The following CYP7B1 variants were observed in gnomAD, a reference collection of about 807,000 sequenced individuals.
The protein encoded by CYP7B1 is cytochrome P450 family 7 subfamily B member 1.
Under a neutral mutation model 42.7 loss-of-function variants are expected in CYP7B1, and 29 were observed. The observed-to-expected ratio is 0.68, with a 90% CI of 0.51 to 0.93. The LOEUF (loss-of-function observed/expected upper bound fraction) is 0.93. CYP7B1 is among the 40% of genes least tolerant of loss of function. CYP7B1 has a pLI of 0.00. For synonymous variants in CYP7B1, 235 were observed against 218.2 expected (o/e 1.08, Z -0.68); for missense variants, 655 against 600.5 (o/e 1.09, Z -0.95).
chr8:64,604,895 G>A, intron 4 of CYP7B1, 38 bp from the exon 5 acceptor site: 1 of 1,600,022 alleles, frequency 6.2e-7, no homozygotes, highest in Non-Finnish European at 8.5e-7. Context: ...ATTAAGATAG[G>A]GCTGGTCCTG....
chr8:64,674,143 T>C (rs2129631769), intron 1 of CYP7B1, among the ~76,000 whole-genome samples: 1 of 152,202 alleles, frequency 6.6e-6, no homozygotes, highest in South Asian at 2.1e-4. Flanking sequence ...TTTGTTAAAA[T>C]TAAGTCTTAC....
intron 2 of CYP7B1, among the ~76,000 whole-genome samples, chr8:64,618,373 T>C (rs1200994719): frequency 2.6e-5 from 4 of 152,126 alleles, no homozygotes; most frequent in African/African-American, 9.7e-5. Context: ...ATTCAGTTAG[T>C]AAAACACACA....
At chr8:64,626,913 C>G (rs1805617836) in intron 1 of CYP7B1, among the ~76,000 whole-genome samples, 1 of 152,176 alleles carries the variant, frequency 6.6e-6, no homozygotes, top group Non-Finnish European at 1.5e-5. Context: ...TCATACCCAG[C>G]ATGGACTTTT....
chr8:64,701,806 C>G (rs1806920212), intron 1 of CYP7B1, among the ~76,000 whole-genome samples: 2 of 152,022 alleles, frequency 1.3e-5, no homozygotes, highest in South Asian at 4.1e-4. Flanking sequence ...CACACAAACT[C>G]AAGCTGATCA....
At chr8:64,699,300 G>C (rs1806877647) in intron 1 of CYP7B1, among the ~76,000 whole-genome samples, 1 of 152,084 alleles carries the variant, frequency 6.6e-6, no homozygotes, top group Admixed American at 6.6e-5. Context: ...AGTGACTTCT[G>C]TCAACATCAT....
intron 1 of CYP7B1, among the ~76,000 whole-genome samples, chr8:64,711,582 C>T (rs977157234): frequency 6.6e-6 from 1 of 152,178 alleles, no homozygotes; most frequent in Non-Finnish European, 1.5e-5. Context: ...TACATTGACC[C>T]TTCTGATCTG....
chr8:64,599,334 G>A (rs1259855575), intron 5 of CYP7B1, among the ~76,000 whole-genome samples: 6 of 151,954 alleles, frequency 3.9e-5, no homozygotes, highest in Non-Finnish European at 5.9e-5. Context: ...GACTACAGGC[G>A]CCCACCACCA....
rs1205877806 is a variant in CYP7B1 at position 64,594,587 on chromosome 8, A to T, written c.*2055T>A. Among the ~76,000 whole-genome samples, 1 of 152,210 alleles carries T rather than the reference A, an allele frequency of 6.6e-6. No individual in the cohort carries two copies. The highest frequency in any genetic ancestry group is 2.4e-5 in the African/African-American group (1 of 41,442). ...AGAATAAGTAAATAAAGCCAGAGGG[A>T]CCTTATTAGAACCAATTATAATTGT... On this transcript the variant is annotated 3_prime_UTR_variant, in exon 6 of 6. Transcript: ENST00000310193.
At chr8:64,716,463 T>A (rs1052427451) in intron 1 of CYP7B1, among the ~76,000 whole-genome samples, 4 of 152,020 alleles carry the variant, frequency 2.6e-5, no homozygotes, top group African/African-American at 9.7e-5. Context: ...TCTCAGCACT[T>A]TGGGAGGCCG....
chr8:64,760,609 T>C (rs1807875001), intron 1 of CYP7B1, among the ~76,000 whole-genome samples: 1 of 152,082 alleles, frequency 6.6e-6, no homozygotes, highest in South Asian at 2.1e-4. Context: ...GTGGTTGACA[T>C]CACCAATCAT....
intron 1 of CYP7B1, among the ~76,000 whole-genome samples, chr8:64,735,218 T>C (rs1170596329): frequency 2.0e-5 from 3 of 152,216 alleles, no homozygotes; most frequent in Admixed American, 1.3e-4. Flanking sequence ...AAAATGGATA[T>C]ACTATACTAG....
At chr8:64,764,821 T>C (rs1409110989) in intron 1 of CYP7B1, among the ~76,000 whole-genome samples, 2 of 152,116 alleles carry the variant, frequency 1.3e-5, no homozygotes, top group African/African-American at 2.4e-5. Context: ...AAAAGGATAG[T>C]GCTATTCTGT....
At chr8:64,731,844 C>T (rs1807415790) in intron 1 of CYP7B1, among the ~76,000 whole-genome samples, 1 of 152,248 alleles carries the variant, frequency 6.6e-6, no homozygotes, top group Non-Finnish European at 1.5e-5. Context: ...AGTTACAGCT[C>T]AGGCCATGAA....
chr8:64,794,055 C>T (rs944241559), intron 1 of CYP7B1, among the ~76,000 whole-genome samples: 4 of 151,946 alleles, frequency 2.6e-5, no homozygotes, highest in African/African-American at 9.7e-5. Flanking sequence ...AAGAACAGAC[C>T]AATATTGAGT....
intron 1 of CYP7B1, among the ~76,000 whole-genome samples, chr8:64,668,001 T>A (rs1457059940): frequency 6.6e-6 from 1 of 152,214 alleles, no homozygotes; most frequent in African/African-American, 2.4e-5. Context: ...TACAGACAAC[T>A]GCTTAATCTT....
At chr8:64,790,106 A>T (rs758913902) in intron 1 of CYP7B1, among the ~76,000 whole-genome samples, 2 of 152,196 alleles carry the variant, frequency 1.3e-5, no homozygotes, top group Non-Finnish European at 2.9e-5. Context: ...AGCACGTGAG[A>T]AATGTGAACA....
At chr8:64,793,487 C>T (rs34782690) in intron 1 of CYP7B1, among the ~76,000 whole-genome samples, 40,885 of 151,832 alleles carry the variant, frequency 0.27, 6,783 homozygotes, top group African/African-American at 0.47. Flanking sequence ...TCTTCAACAA[C>T]AATTTGGGAA....
chr8:64,730,717 T>C (rs913884384), intron 1 of CYP7B1, among the ~76,000 whole-genome samples: 3 of 150,106 alleles, frequency 2.0e-5, no homozygotes, highest in Admixed American at 6.7e-5. Flanking sequence ...ACTAAATTCA[T>C]GGAAATTGGA....
At chr8:64,686,114 C>G (rs1806636121) in intron 1 of CYP7B1, among the ~76,000 whole-genome samples, 4 of 111,680 alleles carry the variant, frequency 3.6e-5, no homozygotes, top group Admixed American at 8.1e-5. Flanking sequence ...GGGGGTCAGC[C>G]CTCCGCCCGG....
Sources: allele counts gnomAD v4.1 joint callset (sites outside exome capture counted in the v4.1 genomes callset), GRCh38; gene constraint gnomAD v4.1.1; transcripts MANE v1.5; gene names NCBI Gene and HGNC (gene_info 2026-07-23, HGNC 2026-07-21).